The following CDH10 variants were observed in gnomAD, a reference collection of about 807,000 sequenced individuals.
The protein encoded by CDH10 is cadherin-10.
CDH10 carries 30 observed loss-of-function variants against 73.1 expected under a neutral mutation model. The observed-to-expected ratio is 0.41, with a 90% CI of 0.31 to 0.56. The LOEUF (loss-of-function observed/expected upper bound fraction) is 0.56, where lower values mean the gene tolerates loss of function less well. Ranked by LOEUF, CDH10 falls within the 20% of genes least tolerant of loss-of-function variation. The pLI, the probability that CDH10 is intolerant of heterozygous loss-of-function variation, is 0.27. For missense variants in CDH10, 815 were observed against 973.7 expected, an observed-to-expected ratio of 0.84 and a Z score of 2.17; for synonymous variants, 345 against 348.2, an observed-to-expected ratio of 0.99 and a Z score of 0.10.
chr5:24,609,073 G>GA (rs1164129086), intron 1 of CDH10, among the ~76,000 whole-genome samples: 1 of 152,168 alleles, frequency 6.6e-6, no homozygotes, highest in African/African-American at 2.4e-5. Context: ...ATCAGTGCTT[G>GA]AAAATCACTA....
In CDH10 at chr5:24,487,598, T is replaced by A. The variant is rs1741885487; in HGVS notation, c.*65A>T. On this transcript the variant is annotated 3_prime_UTR_variant, in exon 12 of 12. Transcript: ENST00000264463. ...GGAAAATGCTCCTGAATATCAAATA[T>A]TGTGAAGTGGAGACAGCATGGGTAG... is the stretch of plus-strand genomic sequence containing the variant. 2 of 1,468,682 alleles carry A rather than the reference T, an allele frequency of 1.4e-6. No homozygotes were observed. The highest frequency in any genetic ancestry group is 1.8e-6 in the Non-Finnish European group (2 of 1,088,250). 91.0% of individuals were successfully genotyped at this position (1,468,682 alleles called of 1,614,324 possible).
At chr5:24,504,035 T>C (rs6890918) in intron 8 of CDH10, among the ~76,000 whole-genome samples, 55,075 of 152,006 alleles carry the variant, frequency 0.36, 11,961 homozygotes, top group East Asian at 0.58. Context: ...CTTTAGTCTA[T>C]AATTCAAGCT....
intron 2 of CDH10, among the ~76,000 whole-genome samples, chr5:24,576,552 T>C (rs888211320): frequency 5.9e-5 from 9 of 152,084 alleles, no homozygotes; most frequent in Non-Finnish European, 1.3e-4. Context: ...CCCAAAACGA[T>C]AGGGCAGAGT....
chr5:24,541,860 C>A (rs1180971464), intron 2 of CDH10, among the ~76,000 whole-genome samples: 2 of 152,052 alleles, frequency 1.3e-5, no homozygotes, highest in African/African-American at 4.8e-5. Flanking sequence ...TGGCAAGATA[C>A]ATGACAACTA....
chr5:24,587,005 C>T (rs1342793725), intron 2 of CDH10, among the ~76,000 whole-genome samples: 1 of 151,412 alleles, frequency 6.6e-6, no homozygotes, highest in Non-Finnish European at 1.5e-5. Flanking sequence ...CCACCGTGCC[C>T]GGCTAATTTT....
intron 11 of CDH10, among the ~76,000 whole-genome samples, chr5:24,488,888 C>G (rs901362956): frequency 6.7e-6 from 1 of 148,938 alleles, no homozygotes; most frequent in Non-Finnish European, 1.5e-5. Flanking sequence ...ATGTATGAAT[C>G]TTGGCTAGAT....
At chr5:24,543,162 A>G (rs1744219995) in intron 2 of CDH10, among the ~76,000 whole-genome samples, 1 of 152,160 alleles carries the variant, frequency 6.6e-6, no homozygotes, top group Non-Finnish European at 1.5e-5. Flanking sequence ...AAAAAGTTGA[A>G]TAGTGAAAAA....
chr5:24,600,159 T>C (rs1211199750), intron 1 of CDH10, among the ~76,000 whole-genome samples: 2 of 152,148 alleles, frequency 1.3e-5, no homozygotes, highest in Non-Finnish European at 2.9e-5. Context: ...CTAATATCCA[T>C]TTTTTGATTC....
chr5:24,502,475 G>GA (rs1268524732), intron 8 of CDH10, among the ~76,000 whole-genome samples: 5 of 152,076 alleles, frequency 3.3e-5, no homozygotes, highest in African/African-American at 9.7e-5. Flanking sequence ...AAGTCTAGTA[G>GA]AAAAAATTCC....
intron 7 of CDH10, 117 bp from the exon 8 acceptor site, chr5:24,505,365 G>C (rs943644397): frequency 6.4e-6 from 5 of 786,232 alleles, no homozygotes; most frequent in Non-Finnish European, 1.1e-5. Context: ...ACACAGTGCT[G>C]ATCTGGAATG....
At position 24,643,937 on chromosome 5, in the gene CDH10, T is replaced by C. The variant is rs568319354; in HGVS notation, c.-124+657A>G. Reference sequence around the variant, plus strand: ...ATAAATGCTGCAACTGCTGACTACATGCATTTACTCTCCCTCTCTTTACCT... The same window carrying C: ...ATAAATGCTGCAACTGCTGACTACACGCATTTACTCTCCCTCTCTTTACCT... On this transcript the variant is annotated intron_variant, in intron 1 of 11. Coordinates refer to ENST00000264463, the MANE Select transcript of CDH10 (RefSeq NM_006727.5). Among the ~76,000 whole-genome samples the C allele has an allele frequency of 4.6e-5, 7 of 152,284 alleles. 1 individual carries two copies. The South Asian group carries it at 1.4e-3, about 32-fold the overall frequency.
Position 24,537,613 on chromosome 5 carries a change from G to C in CDH10, c.293C>G (p.Ala98Gly), listed in dbSNP as rs2111896730. 1 of 1,603,878 alleles carries C rather than the reference G, an allele frequency of 6.2e-7. No individual in the cohort carries two copies. The highest frequency in any genetic ancestry group is 8.5e-7 in the Non-Finnish European group (1 of 1,171,192). ...SLKYILSGDG[A>G]GTLFIIDEKT... ...TTCATCAATAATAAAAAGAGTACCA[G>C]CTCCATCTCCAGATAAGATATATTT... Residue 98 changes from alanine to glycine, a missense_variant, in exon 3 of 12, where the codon GCT becomes GGT. By Grantham distance (60) the Ala-to-Gly change is moderately conservative. Transcript: ENST00000264463.
intron 2 of CDH10, among the ~76,000 whole-genome samples, chr5:24,551,038 C>T (rs1744521874): frequency 6.6e-6 from 1 of 152,130 alleles, no homozygotes; most frequent in Admixed American, 6.6e-5. Flanking sequence ...CTTCCCATCA[C>T]ATTACAATAC....
intron 2 of CDH10, among the ~76,000 whole-genome samples, chr5:24,577,195 G>A (rs972234686): frequency 6.6e-6 from 1 of 151,966 alleles, no homozygotes; most frequent in South Asian, 2.1e-4. Flanking sequence ...GGTCATTAGG[G>A]AAGAAACATG....
intron 2 of CDH10, among the ~76,000 whole-genome samples, chr5:24,545,892 A>G (rs1467789049): frequency 6.6e-6 from 1 of 152,164 alleles, no homozygotes; most frequent in East Asian, 1.9e-4. Context: ...AAAGGGTGGT[A>G]TTTTCGGACT....
At chr5:24,545,844 T>C (rs7727748) in intron 2 of CDH10, among the ~76,000 whole-genome samples, 54,605 of 152,042 alleles carry the variant, frequency 0.36, 11,992 homozygotes, top group East Asian at 0.58. Context: ...AATATTTCTG[T>C]AACTGATTGA....
chr5:24,513,153 G>A (rs1742984453), intron 5 of CDH10, among the ~76,000 whole-genome samples: 1 of 151,814 alleles, frequency 6.6e-6, no homozygotes, highest in Non-Finnish European at 1.5e-5. Context: ...TGAGTAGATG[G>A]GACTATAGGC....
intron 1 of CDH10, among the ~76,000 whole-genome samples, chr5:24,602,199 G>C (rs1746589119): frequency 6.6e-6 from 1 of 152,074 alleles, no homozygotes; most frequent in Non-Finnish European, 1.5e-5. Flanking sequence ...AAATTTGTAA[G>C]CTTTCAGACA....
intron 2 of CDH10, among the ~76,000 whole-genome samples, chr5:24,588,536 G>T (rs540586808): frequency 1.3e-5 from 2 of 152,242 alleles, no homozygotes; most frequent in African/African-American, 4.8e-5. Flanking sequence ...GTGCACTTGA[G>T]ATTTATTTTA....
Sources: allele counts gnomAD v4.1 joint callset (sites outside exome capture counted in the v4.1 genomes callset), GRCh38; gene constraint gnomAD v4.1.1; transcripts MANE v1.5; gene names NCBI Gene and HGNC (gene_info 2026-07-23, HGNC 2026-07-21).